COL6A3: variants seen among roughly 807,000 people sequenced by gnomAD.
COL6A3 encodes collagen type VI alpha 3 chain.
COL6A3 carries 137 observed loss-of-function variants against 274.1 expected under a neutral mutation model. The observed-to-expected ratio is 0.50, with a 90% CI of 0.44 to 0.58. The LOEUF (loss-of-function observed/expected upper bound fraction) is 0.58. Among genes scored for constraint, COL6A3 ranks in the 20% least tolerant of loss-of-function variants. The pLI, the probability that COL6A3 is intolerant of heterozygous loss-of-function variation, is 0.00. For missense variants in COL6A3, 3,950 were observed against 4,124.9 expected, an observed-to-expected ratio of 0.96 and a Z score of 1.16; for synonymous variants, 1,650 against 1,650.6, an observed-to-expected ratio of 1.00 and a Z score of 0.01.
intron 3 of COL6A3, 98 bp from the exon 4 acceptor site, chr2:237,388,282 A>T (rs2078204976): frequency 1.3e-6 from 2 of 1,497,928 alleles, no homozygotes; most frequent in Non-Finnish European, 9.2e-7. Context: ...AACCAATAAG[A>T]AACACGAAAT....
intron 28 of COL6A3, among the ~76,000 whole-genome samples, chr2:237,349,438 A>T (rs2077160788): frequency 1.3e-5 from 2 of 152,368 alleles, no homozygotes; most frequent in South Asian, 2.1e-4. Context: ...GATTAAAAGT[A>T]ATACAAACAG....
intron 28 of COL6A3, among the ~76,000 whole-genome samples, chr2:237,349,451 T>G (rs1225381097): frequency 6.6e-6 from 1 of 152,240 alleles, no homozygotes; most frequent in Non-Finnish European, 1.5e-5. Flanking sequence ...ACAAACAGAT[T>G]CGTTTTTAAA....
intron 39 of COL6A3, among the ~76,000 whole-genome samples, chr2:237,337,806 G>C (rs1194545849): frequency 6.6e-6 from 1 of 152,216 alleles, no homozygotes; most frequent in East Asian, 1.9e-4. Flanking sequence ...CCGAGATGGA[G>C]CAGGGCATGA....
At chr2:237,380,862 A>T in intron 5 of COL6A3, 53 bp downstream of exon 5, 1 of 1,532,470 alleles carries the variant, frequency 6.5e-7, no homozygotes, top group Admixed American at 1.7e-5. Flanking sequence ...TTGTTCTTAA[A>T]GGCCCTGCCT....
chr2:237,382,156 G>A (rs1472032312), intron 4 of COL6A3, among the ~76,000 whole-genome samples: 2 of 152,200 alleles, frequency 1.3e-5, no homozygotes, highest in African/African-American at 4.8e-5. Flanking sequence ...GCTGAGGCAG[G>A]TGGATCATCT....
In COL6A3 at chr2:237,359,227, C is replaced by T. The variant is rs1272889474; in HGVS notation, c.6333G>A (p.Leu2111=). 5.6e-6 allele frequency: 9 copies of T among 1,614,114 alleles called. No homozygotes were observed. In the East Asian group the frequency reaches 1.6e-4, roughly 28 times the overall value. The change falls in exon 19 of 44, where the codon CTG becomes CTA. Residue 2111 remains leucine, a synonymous_variant. Coordinates refer to ENST00000295550, the MANE Select transcript of COL6A3 (RefSeq NM_004369.4). ...GEKGEVGEIG[L]DGLDGEDGDK... is the part of the protein sequence containing the mutation. ...TTACATCTTCACCATCCAGACCATC[C>T]AGTCCAATTTCTCCTACTTCGCCCT...
chr2:237,374,574 T>C lies in COL6A3; in HGVS notation c.3517A>G (p.Thr1173Ala), dbSNP rs754075285. 4 of 1,614,228 alleles carry C rather than the reference T, an allele frequency of 2.5e-6. No homozygotes were observed. Among genetic ancestry groups the C allele is most frequent in the Non-Finnish European group, 3.4e-6 (4 of 1,180,044 alleles). Residue 1173 changes from threonine to alanine, a missense_variant, in exon 8 of 44, where the codon ACA (threonine) becomes GCA (alanine). Transcript: ENST00000295550. The surrounding 1 kb of genome is among the most constrained non-coding windows in gnomAD (Gnocchi z 4.8). ...IGIGIGNADI[T>A]EMQTISFIPD... ...ATGAAGGAGATGGTCTGCATCTCTG[T>C]GATGTCAGCGTTCCCGATGCCAATG...
intron 22 of COL6A3, among the ~76,000 whole-genome samples, 156 bp downstream of exon 22, chr2:237,357,661 G>A (rs750841265): frequency 5.9e-5 from 9 of 152,198 alleles, no homozygotes; most frequent in South Asian, 2.1e-4. Flanking sequence ...GGTTCCCCAC[G>A]GAGACTTCCT....
At chr2:237,352,234 G>C (rs2077222014) in intron 26 of COL6A3, among the ~76,000 whole-genome samples, 1 of 152,174 alleles carries the variant, frequency 6.6e-6, no homozygotes, top group Admixed American at 6.5e-5. Context: ...AGATTTTCCA[G>C]GATTCCATCC....
chr2:237,364,510 T>A lies in COL6A3; in HGVS notation c.5839-82A>T. 4 of 1,078,746 alleles carry A rather than the reference T, an allele frequency of 3.7e-6. No individual in the cohort carries two copies. The highest frequency in any genetic ancestry group is 4.3e-6 in the Non-Finnish European group (3 of 698,842). The allele number at this position is 1,078,746 out of a possible 1,614,324, so 66.8% of individuals were successfully genotyped here. A position where few individuals can be genotyped will look rare whatever the true frequency, so the allele number is the denominator to read the frequency against. On this transcript the variant is annotated intron_variant, in intron 12 of 43. Coordinates refer to ENST00000295550, the MANE Select transcript of COL6A3 (RefSeq NM_004369.4). The surrounding 1 kb of genome is among the most constrained non-coding windows in gnomAD (Gnocchi z 4.6). ...GCTGATAGAAAACTGAGAGACTCGC[T>A]GTCTCAAGCCCTTCATTTTACACTT...
Position 237,407,538 on chromosome 2 carries a change from A to G in COL6A3, c.-31+6415T>C. On this transcript the variant is annotated intron_variant, in intron 1 of 43. Coordinates refer to ENST00000295550, the MANE Select transcript of COL6A3 (RefSeq NM_004369.4). The surrounding 1 kb of genome is among the most constrained non-coding windows in gnomAD (Gnocchi z 4.3). The stretch of plus-strand genomic sequence containing the variant: ...CCCTCTGTGAATGAGAGCACCTGTA[A>G]GAATATGCCGACCTGCAGCCAGGCT... 6.6e-6 allele frequency among the ~76,000 whole-genome samples: 1 copy of G among 152,242 alleles called. No homozygotes were observed. The highest frequency in any genetic ancestry group is 1.5e-5 in the Non-Finnish European group (1 of 68,042).
rs74948156 is a variant in COL6A3 at position 237,354,362 on chromosome 2, A to G, written c.6627+537T>C. The stretch of plus-strand genomic sequence containing the variant: ...TGAATACCTCCCTCACATTCTGCCC[A>G]CAGGGAAATTCCTTGTGGACAAAGG... On this transcript the variant is annotated intron_variant, in intron 24 of 43. Coordinates refer to ENST00000295550, the MANE Select transcript of COL6A3 (RefSeq NM_004369.4). Among the ~76,000 whole-genome samples, 797 of 151,144 alleles carry G rather than the reference A, an allele frequency of 5.3e-3. 10 individuals carry two copies. The highest frequency in any genetic ancestry group is 0.019 in the African/African-American group (765 of 41,122).
At chr2:237,386,973 C>A (rs1281468079) in intron 4 of COL6A3, among the ~76,000 whole-genome samples, 1 of 152,082 alleles carries the variant, frequency 6.6e-6, no homozygotes, top group African/African-American at 2.4e-5. Context: ...GAGCTTGTAT[C>A]CTAATATTGC....
At chr2:237,393,708 G>C (rs2078350456) in intron 3 of COL6A3, among the ~76,000 whole-genome samples, 1 of 152,200 alleles carries the variant, frequency 6.6e-6, no homozygotes, top group South Asian at 2.1e-4. Flanking sequence ...TACAGTTGCT[G>C]TGGTATGGTA....
chr2:237,342,124 G>C lies in COL6A3; in HGVS notation c.7706C>G (p.Pro2569Arg), dbSNP rs794727598. The C allele has an allele frequency of 1.2e-6, 2 of 1,614,246 alleles. No individual in the cohort carries two copies. Among genetic ancestry groups the C allele is most frequent in the Non-Finnish European group, 1.7e-6 (2 of 1,180,046 alleles). ...NTAVGHALVL[P>R]AGRDLTDFLE... ...GAAGTCTGTGAGGTCTCTCCCTGCA[G>C]GCAGGACAAGCGCATGCCCCACTGC... The change falls in exon 37 of 44, where the codon CCT becomes CGT. Residue 2569 changes from proline to arginine, a missense_variant. Coordinates refer to ENST00000295550, the MANE Select transcript of COL6A3 (RefSeq NM_004369.4).
chr2:237,363,661 T>C (rs1340298204), intron 13 of COL6A3, among the ~76,000 whole-genome samples: 1 of 152,260 alleles, frequency 6.6e-6, no homozygotes, highest in Non-Finnish European at 1.5e-5. Context: ...TATTCATGCA[T>C]GAGTTCTCAA....
chr2:237,352,168 A>G (rs2077220350), intron 26 of COL6A3, among the ~76,000 whole-genome samples: 1 of 152,244 alleles, frequency 6.6e-6, no homozygotes, highest in Non-Finnish European at 1.5e-5. Flanking sequence ...ACAAGGGGCT[A>G]TCTCCAGGGA....
At chr2:237,331,520 G>A (rs965572967) in intron 42 of COL6A3, among the ~76,000 whole-genome samples, 4 of 152,066 alleles carry the variant, frequency 2.6e-5, no homozygotes, top group African/African-American at 9.7e-5. Context: ...AGTAATTCCA[G>A]TTGTTGCCAT....
At chr2:237,375,889 A>G (rs1001316598) in intron 7 of COL6A3, among the ~76,000 whole-genome samples, 2 of 152,194 alleles carry the variant, frequency 1.3e-5, no homozygotes, top group Non-Finnish European at 2.9e-5. Context: ...TTATAACAGC[A>G]ATGGGAAACT....
Sources: allele counts gnomAD v4.1 joint callset (sites outside exome capture counted in the v4.1 genomes callset), GRCh38; gene constraint gnomAD v4.1.1; non-coding constraint Gnocchi (gnomAD v3.1); transcripts MANE v1.5; gene names NCBI Gene and HGNC (gene_info 2026-07-23, HGNC 2026-07-21).